Variants in HEXB observed in about 807,000 individuals in gnomAD.
HEXB encodes the protein beta-hexosaminidase subunit beta.
HEXB carries 51 observed loss-of-function variants against 71.2 expected under a neutral mutation model. The ratio of observed to expected loss-of-function variants is 0.72; its 90% confidence interval spans 0.57 to 0.90. The LOEUF (loss-of-function observed/expected upper bound fraction) is 0.90. HEXB is among the 40% of genes least tolerant of loss of function. The pLI, the probability that HEXB is intolerant of heterozygous loss-of-function variation, is 0.00. For missense variants in HEXB, 617 were observed against 677.0 expected, an observed-to-expected ratio of 0.91 and a Z score of 0.98; for synonymous variants, 266 against 249.3, an observed-to-expected ratio of 1.07 and a Z score of -0.63.
intron 6 of HEXB, among the ~76,000 whole-genome samples, chr5:74,708,290 G>C (rs1194814484): frequency 6.6e-6 from 1 of 151,970 alleles, no homozygotes; most frequent in African/African-American, 2.4e-5. Flanking sequence ...CCTGAAGGAA[G>C]CACTAAACAT....
At chr5:74,705,575 A>G (rs1285570190) in intron 6 of HEXB, 3 of 464,848 alleles carry the variant, frequency 6.5e-6, no homozygotes, top group African/African-American at 2.0e-5. Context: ...TTAACAAGGT[A>G]GAAGCCCTGA....
At chr5:74,648,678 G>A (rs1748046487) in intron 1 of HEXB, among the ~76,000 whole-genome samples, 1 of 152,142 alleles carries the variant, frequency 6.6e-6, no homozygotes. Context: ...TCAAACAGTG[G>A]TTTTCCAGGC....
At chr5:74,642,930 GA>G (rs949045702) in intron 1 of HEXB, among the ~76,000 whole-genome samples, 1 of 152,064 alleles carries the variant, frequency 6.6e-6, no homozygotes, top group Non-Finnish European at 1.5e-5. Context: ...AGAAGAAAGG[GA>G]AAAAAAGCTG....
intron 5 of HEXB, among the ~76,000 whole-genome samples, chr5:74,697,667 G>A (rs915831439): frequency 1.3e-4 from 19 of 147,322 alleles, no homozygotes; most frequent in Non-Finnish European, 2.4e-4. Flanking sequence ...GGTGGAGGTT[G>A]CAGTGAGCCG....
At chr5:74,684,189 A>T (rs1748795820), upstream of HEXB, among the ~76,000 whole-genome samples, 1 of 152,208 alleles carries the variant, frequency 6.6e-6, no homozygotes. Flanking sequence ...CTTATATAGC[A>T]GATCTGTGGT....
At chr5:74,701,280 A>G (rs1749254636) in intron 5 of HEXB, among the ~76,000 whole-genome samples, 1 of 152,194 alleles carries the variant, frequency 6.6e-6, no homozygotes, top group Non-Finnish European at 1.5e-5. Flanking sequence ...CAACAAGGAT[A>G]TAAATATAAA....
At chr5:74,702,784 C>T (rs538441243) in intron 5 of HEXB, among the ~76,000 whole-genome samples, 7 of 152,302 alleles carry the variant, frequency 4.6e-5, no homozygotes, top group African/African-American at 1.4e-4. Flanking sequence ...AGGTGGCTAC[C>T]GAGTGGTGAT....
intron 5 of HEXB, among the ~76,000 whole-genome samples, chr5:74,698,681 C>T (rs979188635): frequency 9.2e-5 from 14 of 151,970 alleles, no homozygotes; most frequent in African/African-American, 2.2e-4. Flanking sequence ...TGAGCCACCA[C>T]GCCTGGCCTA....
chr5:74,705,185 G>T, intron 5 of HEXB, 34 bp from the exon 6 acceptor site: 1 of 1,145,078 alleles, frequency 8.7e-7, no homozygotes, highest in Non-Finnish European at 1.3e-6. Context: ...TATGATATCT[G>T]CAGTAAATAA....
At chr5:74,658,132 G>A (rs1480105829) in intron 1 of HEXB, among the ~76,000 whole-genome samples, 1 of 152,150 alleles carries the variant, frequency 6.6e-6, no homozygotes, top group East Asian at 1.9e-4. Flanking sequence ...TGTGAGCTTT[G>A]GGAACTAGCA....
At chr5:74,698,789 A>T (rs1418842323) in intron 5 of HEXB, among the ~76,000 whole-genome samples, 1 of 152,252 alleles carries the variant, frequency 6.6e-6, no homozygotes, top group Non-Finnish European at 1.5e-5. Context: ...AAAAGTTTAA[A>T]CAATATAAAT....
chr5:74,648,723 A>T (rs1208024613), intron 1 of HEXB, among the ~76,000 whole-genome samples: 1 of 152,244 alleles, frequency 6.6e-6, no homozygotes, highest in East Asian at 1.9e-4. Flanking sequence ...ATACATGTTC[A>T]TTTTTAAAAT....
Position 74,687,014 on chromosome 5 carries a change from C to G in HEXB, c.299+1455C>G, listed in dbSNP as rs187912751. On this transcript the variant is annotated intron_variant, in intron 1 of 13. Transcript: ENST00000261416. The stretch of plus-strand genomic sequence containing the variant: ...TGTAAGTTAACAATAGGTAGATAAC[C>G]AGGACTTAAATCAGCTGAGATGGTT... Among the ~76,000 whole-genome samples the G allele has an allele frequency of 5.3e-3, 803 of 152,194 alleles. 11 individuals are homozygous for G. The highest frequency in any genetic ancestry group is 0.018 in the African/African-American group (766 of 41,512).
rs367963796 is a variant in HEXB, at chr5:74,697,105, T to C, written c.668T>C (p.Leu223Pro). The C allele has an allele frequency of 4.7e-6, 6 of 1,280,502 alleles. No homozygotes were observed. Among genetic ancestry groups the C allele is most frequent in the Non-Finnish European group, 6.8e-6 (6 of 876,518 alleles). The allele number at this position is 1,280,502 out of a possible 1,614,324, so 79.3% of individuals were successfully genotyped here. Residue 223 changes from leucine (L) to proline (P), a missense_variant and splice_region_variant, in exon 5 of 14, where the codon CTG becomes CCG. Coordinates refer to ENST00000261416, the MANE Select transcript of HEXB (RefSeq NM_000521.4). ...CCAGTTAAGATTATTCTTAAAACTC[T>C]GGTAAGTAATTACTTCATTCTAATC... ...YLPVKIILKT[L>P]DAMAFNKFNV... is the part of the protein sequence containing the mutation.
intron 1 of HEXB, among the ~76,000 whole-genome samples, chr5:74,661,275 C>T (rs938328348): frequency 6.6e-6 from 1 of 152,132 alleles, no homozygotes. Flanking sequence ...AAGAGTTATC[C>T]TCTGACTGAG....
intron 1 of HEXB, among the ~76,000 whole-genome samples, chr5:74,644,104 C>T (rs1747957476): frequency 6.6e-6 from 1 of 152,194 alleles, no homozygotes; most frequent in Non-Finnish European, 1.5e-5. Flanking sequence ...CCACACCTCC[C>T]AGTAGCACAT....
rs1304817090 is a variant in HEXB, at chr5:74,721,198, C to T, written c.*23C>T. The T allele has an allele frequency of 1.9e-6, 3 of 1,566,626 alleles. 1 individual carries two copies. The highest frequency in any genetic ancestry group is 2.6e-6 in the Non-Finnish European group (3 of 1,136,848). On this transcript the variant is annotated 3_prime_UTR_variant, in exon 14 of 14. Transcript: ENST00000261416. ...TAAAAAATGGAGGGGAAAAAGGCCA[C>T]AGCAATCTGTACTACAATCAACTTT...
intron 1 of HEXB, among the ~76,000 whole-genome samples, chr5:74,670,674 G>C (rs1272529422): frequency 6.6e-6 from 1 of 152,164 alleles, no homozygotes; most frequent in Non-Finnish European, 1.5e-5. Context: ...GACTAAAAGA[G>C]CTAATTAGCA....
chr5:74,716,092 T>C (rs866996206), intron 8 of HEXB, among the ~76,000 whole-genome samples: 5 of 146,034 alleles, frequency 3.4e-5, no homozygotes, highest in South Asian at 2.2e-4. Flanking sequence ...CTCCACACCA[T>C]AAGGAAGACT....
Sources: allele counts gnomAD v4.1 joint callset (sites outside exome capture counted in the v4.1 genomes callset), GRCh38; gene constraint gnomAD v4.1.1; transcripts MANE v1.5; gene names NCBI Gene and HGNC (gene_info 2026-07-23, HGNC 2026-07-21).